The following BTN2A2 variants were observed in gnomAD, a reference collection of about 807,000 sequenced individuals.
The protein encoded by BTN2A2 is butyrophilin 2.
Under a neutral mutation model 34.7 loss-of-function variants are expected in BTN2A2, and 29 were observed. The observed-to-expected ratio is 0.84, with a 90% confidence interval of 0.62 to 1.14. The LOEUF (loss-of-function observed/expected upper bound fraction) is 1.14. BTN2A2 is among the 50% of genes most tolerant of loss of function. The probability of loss-of-function intolerance (pLI) is 0.00; values close to 1 mark genes in which losing one functional copy is unlikely to be tolerated. For synonymous variants in BTN2A2, 240 were observed against 253.1 expected (o/e 0.95, Z 0.49); for missense variants, 612 against 651.5 (o/e 0.94, Z 0.66).
chr6:26,383,926 G>C lies in BTN2A2; in HGVS notation c.94+11G>C, dbSNP rs768354924. ...GTGCACTGGTCTCAGGTAGGGATGT[G>C]TGTCACTTGCTGCTGTCACCTCTCA... is the stretch of plus-strand genomic sequence containing the variant. On this transcript the variant is annotated intron_variant, in intron 2 of 7. Transcript: ENST00000356709. This position sits in a 1 kb window ranked among gnomAD's most constrained non-coding sequence, Gnocchi z 4.4. The C allele has an allele frequency of 3.7e-6, 6 of 1,610,854 alleles. No homozygotes were observed. The highest frequency in any genetic ancestry group is 4.2e-6 in the Non-Finnish European group (5 of 1,177,180).
Position 26,393,540 on chromosome 6 carries a change from G to C in BTN2A2, c.*573G>C, listed in dbSNP as rs2113770252. On this transcript the variant is annotated 3_prime_UTR_variant, in exon 8 of 8. Transcript: ENST00000356709. ...GATGGCTCATTTCCACCCAACCCCAGGATTTCCACAGCACACACCCACAGG... is the reference window on the plus strand; with the variant it reads ...GATGGCTCATTTCCACCCAACCCCACGATTTCCACAGCACACACCCACAGG... 9.9e-7 allele frequency: 1 copy of C among 1,015,130 alleles called. No homozygotes were observed. The highest frequency in any genetic ancestry group is 4.0e-5 in the South Asian group (1 of 24,734). The allele number at this position is 1,015,130 out of a possible 1,614,324, so 62.9% of individuals were successfully genotyped here.
chr6:26,392,438 G>C lies in BTN2A2; in HGVS notation c.1043G>C (p.Ser348Thr), dbSNP rs112054667. Residue 348 changes from serine to threonine, a missense_variant, in exon 8 of 8, where the codon AGT (serine) becomes ACT (threonine). Coordinates refer to ENST00000356709, the MANE Select transcript of BTN2A2 (RefSeq NM_006995.5). ...CTCTTCCTGTCAGAGGACCGGAGAA[G>C]TGTGAGGCGGGGCCCCTACAGGCAG... ...PELFLSEDRR[S>T]VRRGPYRQRV... is the part of the protein sequence containing the mutation. The C allele has an allele frequency of 6.2e-7, 1 of 1,614,130 alleles. No homozygotes were observed. Among genetic ancestry groups the C allele is most frequent in the Non-Finnish European group, 8.5e-7 (1 of 1,180,052 alleles).
Position 26,390,006 on chromosome 6 carries a change from A to G in BTN2A2, c.726A>G (p.Glu242=). 2 of 1,609,528 alleles carry G rather than the reference A, an allele frequency of 1.2e-6. No homozygotes were observed. Among genetic ancestry groups the G allele is most frequent in the South Asian group, 1.1e-5 (1 of 90,576 alleles). The change falls in exon 5 of 8, where the codon GAA becomes GAG. Residue 242 remains glutamate (E), a splice_region_variant and synonymous_variant. Transcript: ENST00000356709. ...QEKETVIFIP[E]SFMPSASPWM... The stretch of plus-strand genomic sequence containing the variant: ...GGACTTTTCTGGCTGCCTTTTCAGA[A>G]TCCTTTATGCCCAGCGCATCTCCCT...
chr6:26,392,165 C>A, intron 7 of BTN2A2: 1 of 1,468,882 alleles, frequency 6.8e-7, no homozygotes, highest in South Asian at 1.2e-5. Context: ...TCTTCTCAAC[C>A]TGGGGGCACT....
chr6:26,390,765 A>C lies in BTN2A2; in HGVS notation c.953-38A>C, dbSNP rs778132036. On this transcript the variant is annotated intron_variant, in intron 6 of 7. Coordinates refer to ENST00000356709, the MANE Select transcript of BTN2A2 (RefSeq NM_006995.5). ...ACAATTTGTGTTCTGCTTACTTAGC[A>C]GTGTCTCGTGACATTCACCTCTGTC... 2.5e-6 allele frequency: 4 copies of C among 1,614,230 alleles called. No homozygotes were observed. In the Admixed American group the frequency reaches 6.7e-5, roughly 27 times the overall value.
rs1561835947 is a variant in BTN2A2 at position 26,392,840 on chromosome 6, C to T, written c.1445C>T (p.Pro482Leu). The change falls in exon 8 of 8, where the codon CCC becomes CTC. Residue 482 changes from proline to leucine, a missense_variant. By Grantham distance (98) the Pro-to-Leu change is moderately conservative (BLOSUM62 -3). Coordinates refer to ENST00000356709, the MANE Select transcript of BTN2A2 (RefSeq NM_006995.5). ...PRSAFTVPVRPFFRLGSDDSP... is the reference protein window; with the variant it reads ...PRSAFTVPVRLFFRLGSDDSP... ...TCAGCCTTTACTGTGCCTGTGAGGCCCTTCTTCAGGTTAGGGTCTGATGAC... is the reference window on the plus strand; with the variant it reads ...TCAGCCTTTACTGTGCCTGTGAGGCTCTTCTTCAGGTTAGGGTCTGATGAC... 3.7e-6 allele frequency: 6 copies of T among 1,614,174 alleles called. No homozygotes were observed. The highest frequency in any genetic ancestry group is 5.1e-6 in the Non-Finnish European group (6 of 1,180,040).
chr6:26,392,697 GA>G lies in BTN2A2; in HGVS notation c.1303del (p.Arg435GlyfsTer5), dbSNP rs767978409. 1.9e-6 allele frequency: 3 copies of G among 1,614,096 alleles called. No individual in the cohort carries two copies. Among genetic ancestry groups the G allele is most frequent in the African/African-American group, 2.7e-5 (2 of 74,936 alleles). ...NQYRALSSPERILPLKESLCR... is the reference protein window; with the variant it reads ...NQYRALSSPEXILPLKESLCR... ...AATACCGGGCCCTGTCCTCCCCTGAGAGGATTCTCCCTTTGAAGGAGTCCCT... is the reference window on the plus strand; with the variant it reads ...AATACCGGGCCCTGTCCTCCCCTGAGGGATTCTCCCTTTGAAGGAGTCCCT... On this transcript the variant is annotated frameshift_variant, in exon 8 of 8. Coordinates refer to ENST00000356709, the MANE Select transcript of BTN2A2 (RefSeq NM_006995.5). LOFTEE classifies it low-confidence loss of function (END_TRUNC).
rs558884159 is a variant in BTN2A2 at position 26,394,484 on chromosome 6, T to C, written c.*1517T>C. 1 of 576,358 alleles carries C rather than the reference T, an allele frequency of 1.7e-6. No individual in the cohort carries two copies. The highest frequency in any genetic ancestry group is 2.9e-5 in the East Asian group (1 of 34,024). 35.7% of individuals were successfully genotyped at this position (576,358 alleles called of 1,614,324 possible). On this transcript the variant is annotated 3_prime_UTR_variant, in exon 8 of 8. Transcript: ENST00000356709. ...GGCAAATTCTTCTCTCCTCTGGAGCTGAGACACTCTTCTTCTTCTGCCCTT... is the reference window on the plus strand; with the variant it reads ...GGCAAATTCTTCTCTCCTCTGGAGCCGAGACACTCTTCTTCTTCTGCCCTT...
rs1561826535 is a variant in BTN2A2 at position 26,386,268 on chromosome 6, G to A, written c.442+906G>A. 2.6e-5 allele frequency among the ~76,000 whole-genome samples: 4 copies of A among 152,150 alleles called. No homozygotes were observed. The South Asian group carries it at 8.3e-4, about 32-fold the overall frequency. On this transcript the variant is annotated intron_variant, in intron 3 of 7. Coordinates refer to ENST00000356709, the MANE Select transcript of BTN2A2 (RefSeq NM_006995.5). ...TCAGCATAGAAATGCACTTAAACTG[G>A]GATTTCTAATAGTTTGTTAAAAGTG...
chr6:26,384,930 T>G lies in BTN2A2; in HGVS notation c.95-85T>G. ...CTTTCATCCCTGGAGTTTTTTTTGTTTGTTTGTTTTTGTTTTTTGTTTTTT... is the reference window on the plus strand; with the variant it reads ...CTTTCATCCCTGGAGTTTTTTTTGTGTGTTTGTTTTTGTTTTTTGTTTTTT... On this transcript the variant is annotated intron_variant, in intron 2 of 7. Coordinates refer to ENST00000356709, the MANE Select transcript of BTN2A2 (RefSeq NM_006995.5). This position sits in a 1 kb window ranked among gnomAD's most constrained non-coding sequence, Gnocchi z 4.0. 3.0e-6 allele frequency: 4 copies of G among 1,338,986 alleles called. No individual in the cohort carries two copies. Among genetic ancestry groups the G allele is most frequent in the Non-Finnish European group, 4.0e-6 (4 of 998,616 alleles). 82.9% of individuals were successfully genotyped at this position (1,338,986 alleles called of 1,614,324 possible).
chr6:26,387,374 A>G (rs1245594950), intron 3 of BTN2A2, among the ~76,000 whole-genome samples: 1 of 152,210 alleles, frequency 6.6e-6, no homozygotes, highest in Non-Finnish European at 1.5e-5. Context: ...GTAGATAGCC[A>G]TGGTGATGTG....
At position 26,392,580 on chromosome 6, in the gene BTN2A2, T is replaced by G. The variant is rs1761659189; in HGVS notation, c.1185T>G (p.Thr395=). Residue 395 remains threonine (T), a synonymous_variant, in exon 8 of 8, where the codon ACT becomes ACG. Coordinates refer to ENST00000356709, the MANE Select transcript of BTN2A2 (RefSeq NM_006995.5). ...EVEVENVMVW[T]VGVCRHSVER... ...AGGTGGAAAACGTGATGGTGTGGACTGTGGGGGTCTGCAGACACAGTGTTG... is the reference window on the plus strand; with the variant it reads ...AGGTGGAAAACGTGATGGTGTGGACGGTGGGGGTCTGCAGACACAGTGTTG... 1 of 1,614,080 alleles carries G rather than the reference T, an allele frequency of 6.2e-7. No homozygotes were observed. The highest frequency in any genetic ancestry group is 2.2e-5 in the East Asian group (1 of 44,878).
At chr6:26,385,939 C>G (rs1332646963) in intron 3 of BTN2A2, among the ~76,000 whole-genome samples, 1 of 152,184 alleles carries the variant, frequency 6.6e-6, no homozygotes, top group Non-Finnish European at 1.5e-5. Context: ...AAGTCTTATG[C>G]CTGCCTTGGC....
At chr6:26,389,869 C>CT in intron 4 of BTN2A2, 136 bp from the exon 5 acceptor site, 2 of 832,714 alleles carry the variant, frequency 2.4e-6, no homozygotes, top group Non-Finnish European at 3.7e-6. Context: ...GCCAGCATCG[C>CT]TTTCTCCATC....
rs772140181 is a variant in BTN2A2, at chr6:26,392,541, T to C, written c.1146T>C (p.His382=). 1.2e-6 allele frequency: 2 copies of C among 1,614,014 alleles called. No individual in the cohort carries two copies. The highest frequency in any genetic ancestry group is 1.3e-5 in the African/African-American group (1 of 74,890). Residue 382 remains histidine (H), a synonymous_variant, in exon 8 of 8, where the codon CAT becomes CAC. Coordinates refer to ENST00000356709, the MANE Select transcript of BTN2A2 (RefSeq NM_006995.5). ...LGWESFASGK[H]YWEVEVENVM... is the part of the protein sequence containing the mutation. ...GGGAGAGCTTCGCCTCAGGGAAACA[T>C]TACTGGGAGGTGGAGGTGGAAAACG... is the stretch of plus-strand genomic sequence containing the variant.
Position 26,392,760 on chromosome 6 carries a change from A to T in BTN2A2, c.1365A>T (p.Gly455=), listed in dbSNP as rs770358344. ...RVGVFLDYEA[G]DVSFYNMRDR... ...GCGTCTTCCTGGACTATGAAGCTGGAGATGTCTCCTTCTACAACATGAGGG... is the reference window on the plus strand; with the variant it reads ...GCGTCTTCCTGGACTATGAAGCTGGTGATGTCTCCTTCTACAACATGAGGG... The change falls in exon 8 of 8, where the codon GGA becomes GGT. Residue 455 remains glycine, a synonymous_variant. Transcript: ENST00000356709. 3.1e-6 allele frequency: 5 copies of T among 1,614,046 alleles called. No homozygotes were observed. The African/African-American group carries it at 5.3e-5, about 17-fold the overall frequency.
chr6:26,390,597 A>T, intron 5 of BTN2A2, 90 bp from the exon 6 acceptor site: 1 of 1,533,444 alleles, frequency 6.5e-7, no homozygotes, highest in South Asian at 1.1e-5. Context: ...TGTTCATAGA[A>T]AGGATGGTTC....
At chr6:26,389,886 T>C in intron 4 of BTN2A2, 119 bp from the exon 5 acceptor site, 1 of 955,760 alleles carries the variant, frequency 1.0e-6, no homozygotes, top group Non-Finnish European at 1.6e-6. Flanking sequence ...CATCTAAGGT[T>C]TCTGAGGGAG....
rs2072805 is a variant in BTN2A2 at position 26,390,421 on chromosome 6, C to A, written c.931+210C>A. On this transcript the variant is annotated intron_variant, in intron 5 of 7. Coordinates refer to ENST00000356709, the MANE Select transcript of BTN2A2 (RefSeq NM_006995.5). ...TAATCATTCAGAGCTTTCTTTCTTC[C>A]ATGCTGCACACATTACATTCATTCA... The A allele has an allele frequency of 4.3e-3, 2,898 of 678,814 alleles. 71 individuals are homozygous for A. The East Asian group carries it at 0.045, about 11-fold the overall frequency. The allele number at this position is 678,814 out of a possible 1,614,324, so 42.0% of individuals were successfully genotyped here.
Sources: allele counts gnomAD v4.1 joint callset (sites outside exome capture counted in the v4.1 genomes callset), GRCh38; gene constraint gnomAD v4.1.1; non-coding constraint Gnocchi (gnomAD v3.1); transcripts MANE v1.5; gene names NCBI Gene and HGNC (gene_info 2026-07-23, HGNC 2026-07-21).